ABR: variants seen among roughly 807,000 people sequenced by gnomAD.
ABR encodes the protein active breakpoint cluster region-related protein.
In ABR, 35 loss-of-function variants were observed where a neutral mutation model predicts 107.2. The observed-to-expected ratio is 0.33, with a 90% CI of 0.25 to 0.43. ABR has a LOEUF of 0.43. Among genes scored for constraint, ABR ranks in the 20% least tolerant of loss-of-function variants. ABR has a pLI of 1.00. For missense variants in ABR, 815 were observed against 1,115.2 expected, an observed-to-expected ratio of 0.73 and a Z score of 3.83; for synonymous variants, 498 against 462.0, an observed-to-expected ratio of 1.08 and a Z score of -1.00.
chr17:1,006,312 C>T, intron 22 of ABR, 143 bp from the exon 23 acceptor site: 1 of 769,316 alleles, frequency 1.3e-6, no homozygotes, highest in South Asian at 1.7e-5. Flanking sequence ...GTTTGCCTTT[C>T]TGCAGCCGTG....
At chr17:1,120,897 C>T (rs1430842787) in intron 2 of ABR, among the ~76,000 whole-genome samples, 1 of 152,214 alleles carries the variant, frequency 6.6e-6, no homozygotes, top group Non-Finnish European at 1.5e-5. Flanking sequence ...TTTTACTAAG[C>T]TTCCCAAGAG....
chr17:1,056,963 C>G (rs2033351527), intron 13 of ABR, 35 bp downstream of exon 13: 1 of 1,500,040 alleles, frequency 6.7e-7, no homozygotes, highest in South Asian at 1.1e-5. Context: ...GGGCTGGGAC[C>G]TGCCGGTTGG....
At chr17:1,120,274 T>C (rs1189156927) in intron 2 of ABR, among the ~76,000 whole-genome samples, 1 of 152,016 alleles carries the variant, frequency 6.6e-6, no homozygotes, top group Non-Finnish European at 1.5e-5. Flanking sequence ...TTTCCTTTTT[T>C]TCTTTTTCTT....
intron 1 of ABR, chr17:1,125,649 G>A (rs1169643612): frequency 1.1e-5 from 4 of 351,564 alleles, no homozygotes; most frequent in Non-Finnish European, 2.0e-5. Flanking sequence ...ATTTCAAGCT[G>A]CTGTTTTCTT....
At chr17:1,100,225 T>C (rs779566378) in intron 3 of ABR, among the ~76,000 whole-genome samples, 4 of 147,138 alleles carry the variant, frequency 2.7e-5, no homozygotes, top group South Asian at 2.1e-4. Flanking sequence ...CCCAGGGAGG[T>C]AGAAGGACTT....
In ABR at chr17:1,150,431, G is replaced by A. The variant is rs924246376; in HGVS notation, c.62-25064C>T. On this transcript the variant is annotated intron_variant, in intron 1 of 22. Coordinates refer to ENST00000302538, the MANE Select transcript of ABR (RefSeq NM_021962.5). The surrounding 1 kb of genome is among the most constrained non-coding windows in gnomAD (Gnocchi z 4.8). ...TGATTCCACTCTGAAGAGGTGCTCA[G>A]AGCAGTCAGATTCGTCCAGACACAA... Among the ~76,000 whole-genome samples the A allele has an allele frequency of 2.6e-5, 4 of 152,194 alleles. No individual in the cohort carries two copies. Among genetic ancestry groups the A allele is most frequent in the African/African-American group, 9.7e-5 (4 of 41,438 alleles).
chr17:1,098,509 T>C (rs1237624898), intron 3 of ABR, among the ~76,000 whole-genome samples: 1 of 152,242 alleles, frequency 6.6e-6, no homozygotes, highest in Admixed American at 6.5e-5. Context: ...TGATGCATGC[T>C]GACATTTTTT....
chr17:1,099,854 G>A (rs1282337665), intron 3 of ABR, among the ~76,000 whole-genome samples: 3 of 152,188 alleles, frequency 2.0e-5, no homozygotes, highest in Non-Finnish European at 4.4e-5. Flanking sequence ...CAGGCCGGGC[G>A]CAGTGGCTCA....
chr17:1,061,905 C>T (rs1303546738), intron 10 of ABR, among the ~76,000 whole-genome samples: 1 of 152,332 alleles, frequency 6.6e-6, no homozygotes, highest in East Asian at 1.9e-4. Context: ...GAAAATAGCG[C>T]TGTCCCTGGA....
intron 9 of ABR, among the ~76,000 whole-genome samples, chr17:1,067,993 C>T (rs146946522): frequency 1.1e-3 from 164 of 152,216 alleles, no homozygotes; most frequent in African/African-American, 3.7e-3. Flanking sequence ...AGTGCAATGG[C>T]GCGATCTCCA....
At chr17:1,162,219 G>T (rs559550386) in intron 1 of ABR, among the ~76,000 whole-genome samples, 1 of 152,204 alleles carries the variant, frequency 6.6e-6, no homozygotes, top group African/African-American at 2.4e-5. Context: ...AGAGAACAGC[G>T]CCGTGAACAC....
At chr17:1,012,901 G>C (rs1201226943) in intron 17 of ABR, 104 bp from the exon 18 acceptor site, 3 of 1,114,302 alleles carry the variant, frequency 2.7e-6, no homozygotes, top group Admixed American at 2.0e-5. Context: ...ATGAGGGCTA[G>C]CTCACACCCA....
intron 16 of ABR, among the ~76,000 whole-genome samples, chr17:1,017,822 T>TG (rs985346115): frequency 6.6e-6 from 1 of 151,578 alleles, no homozygotes; most frequent in African/African-American, 2.4e-5. Flanking sequence ...AGGCTGGTCT[T>TG]GAACTCCAGA....
At chr17:1,125,109 A>T in intron 2 of ABR, 74 bp downstream of exon 2, 1 of 1,444,284 alleles carries the variant, frequency 6.9e-7, no homozygotes, top group Non-Finnish European at 9.3e-7. Context: ...CAACCCAAGC[A>T]GGGCCTGGCC....
chr17:1,143,711 C>T (rs891449013), intron 1 of ABR, among the ~76,000 whole-genome samples: 26 of 152,072 alleles, frequency 1.7e-4, no homozygotes, highest in African/African-American at 3.6e-4. Context: ...AGGCAGAGAC[C>T]GTAGCCGCCT....
intron 10 of ABR, among the ~76,000 whole-genome samples, chr17:1,065,742 CTTTTTTTTTTTT>C (rs56388222): frequency 2.6e-5 from 3 of 116,344 alleles, no homozygotes; most frequent in African/African-American, 1.0e-4. Context: ...CAAACCAATG[CTTTTTTTTTTTT>C]TTTTTTTTTT....
At chr17:1,104,944 G>A (rs959068264) in intron 2 of ABR, among the ~76,000 whole-genome samples, 3 of 150,870 alleles carry the variant, frequency 2.0e-5, no homozygotes, top group Admixed American at 2.0e-4. Context: ...TTAAAATTTT[G>A]CCATACTCAC....
chr17:1,080,168 TC>T (rs1251020695), intron 5 of ABR, among the ~76,000 whole-genome samples: 3 of 151,936 alleles, frequency 2.0e-5, no homozygotes, highest in African/African-American at 7.3e-5. Flanking sequence ...GATGCTGAGC[TC>T]CCCAGGACAG....
intron 1 of ABR, among the ~76,000 whole-genome samples, chr17:1,227,293 C>T (rs9890076): frequency 0.51 from 77,472 of 151,570 alleles, 20,345 homozygotes; most frequent in African/African-American, 0.62. Flanking sequence ...GGGAGGGTGA[C>T]AGATGTGGGT....
Sources: allele counts gnomAD v4.1 joint callset (sites outside exome capture counted in the v4.1 genomes callset), GRCh38; gene constraint gnomAD v4.1.1; non-coding constraint Gnocchi (gnomAD v3.1); transcripts MANE v1.5; gene names NCBI Gene and HGNC (gene_info 2026-07-23, HGNC 2026-07-21).